NBEA: variants seen among roughly 807,000 people sequenced by gnomAD.
The protein encoded by NBEA is neurobeachin, also known as lysosomal-trafficking regulator 2.
NBEA carries 44 observed loss-of-function variants against 343.4 expected under a neutral mutation model. The ratio of observed to expected loss-of-function variants is 0.13; its 90% CI spans 0.10 to 0.16. The LOEUF is 0.16. Ranked by LOEUF, NBEA falls within the 10% of genes least tolerant of loss-of-function variation. The pLI is 1.00. For synonymous variants in NBEA, 1,175 were observed against 1,238.7 expected (o/e 0.95, Z 1.08); for missense variants, 2,555 against 3,631.3 (o/e 0.70, Z 7.62).
intron 23 of NBEA, among the ~76,000 whole-genome samples, chr13:35,162,517 G>A (rs1693753299): frequency 6.6e-6 from 1 of 152,032 alleles, no homozygotes; most frequent in African/African-American, 2.4e-5. Context: ...CAAATTAAAA[G>A]GCAGAGATGA....
At chr13:35,480,569 G>A (rs2076083507) in intron 41 of NBEA, among the ~76,000 whole-genome samples, 1 of 151,724 alleles carries the variant, frequency 6.6e-6, no homozygotes, top group South Asian at 2.1e-4. Flanking sequence ...TGCTTATTAC[G>A]CTGGGGAGAT....
intron 36 of NBEA, among the ~76,000 whole-genome samples, chr13:35,311,000 A>G (rs993271647): frequency 6.6e-6 from 1 of 152,062 alleles, no homozygotes; most frequent in South Asian, 2.1e-4. Flanking sequence ...TATATTTCTC[A>G]TTTTGATATT....
chr13:35,072,417 G>T (rs1265147592), intron 10 of NBEA, among the ~76,000 whole-genome samples: 1 of 151,738 alleles, frequency 6.6e-6, no homozygotes, highest in Non-Finnish European at 1.5e-5. Flanking sequence ...TTATTTCATC[G>T]TGGAGATAAA....
chr13:35,125,039 T>C (rs2067043832), intron 17 of NBEA, among the ~76,000 whole-genome samples: 1 of 152,108 alleles, frequency 6.6e-6, no homozygotes. Context: ...TACGAAAAGA[T>C]GAAAACTCAG....
Position 35,442,465 on chromosome 13 carries a change from G to A in NBEA, c.6305-9627G>A, listed in dbSNP as rs150668457. On this transcript the variant is annotated intron_variant, in intron 39 of 58. Transcript: ENST00000379939. Reference sequence around the variant, plus strand: ...CGTCTAAAATGTGGAGAGAGTCTGCGTTTACCGTCACGTATATTCTTAAAA... The same window carrying A: ...CGTCTAAAATGTGGAGAGAGTCTGCATTTACCGTCACGTATATTCTTAAAA... Among the ~76,000 whole-genome samples, 631 of 152,042 alleles carry A rather than the reference G, an allele frequency of 4.2e-3. 5 individuals are homozygous for A. Among genetic ancestry groups the A allele is most frequent in the African/African-American group, 0.015 (602 of 41,478 alleles).
At chr13:34,973,625 C>T (rs549044708) in intron 1 of NBEA, among the ~76,000 whole-genome samples, 1 of 152,214 alleles carries the variant, frequency 6.6e-6, no homozygotes, top group East Asian at 1.9e-4. Context: ...TTGGACTCTC[C>T]AGGGCCTGCA....
At chr13:35,226,478 T>C (rs73167795) in intron 33 of NBEA, among the ~76,000 whole-genome samples, 2,126 of 152,210 alleles carry the variant, frequency 0.014, 31 homozygotes, top group South Asian at 0.04. Flanking sequence ...ATATACGAAA[T>C]ATTGTATTTA....
At chr13:35,554,897 G>T in intron 43 of NBEA, 90 bp from the exon 44 acceptor site, 1 of 525,908 alleles carries the variant, frequency 1.9e-6, no homozygotes, top group Non-Finnish European at 3.3e-6. Context: ...ATTTTAAGTT[G>T]ATTATCAAAG....
chr13:35,172,256 TTTTG>T (rs999364057), intron 26 of NBEA, among the ~76,000 whole-genome samples: 3 of 150,972 alleles, frequency 2.0e-5, no homozygotes, highest in African/African-American at 7.4e-5. Flanking sequence ...TGAAACCTTT[TTTTG>T]TTTGTTTGTT....
chr13:35,246,013 G>C (rs1373764736), intron 34 of NBEA, among the ~76,000 whole-genome samples: 1 of 151,914 alleles, frequency 6.6e-6, no homozygotes, highest in African/African-American at 2.4e-5. Flanking sequence ...TTGCTGGTTT[G>C]GGTTATTTCA....
chr13:35,350,814 T>C (rs1055361971), intron 37 of NBEA, among the ~76,000 whole-genome samples: 3 of 151,352 alleles, frequency 2.0e-5, no homozygotes, highest in African/African-American at 7.3e-5. Context: ...TAAAAGATTT[T>C]ACAAGTCATG....
intron 17 of NBEA, among the ~76,000 whole-genome samples, chr13:35,138,725 G>T (rs1422948023): frequency 6.6e-6 from 1 of 152,002 alleles, no homozygotes; most frequent in African/African-American, 2.4e-5. Flanking sequence ...CTCCCAAAGT[G>T]CTAGAATTAC....
At chr13:35,458,704 A>G (rs2046721179) in intron 40 of NBEA, among the ~76,000 whole-genome samples, 1 of 152,190 alleles carries the variant, frequency 6.6e-6, no homozygotes. Flanking sequence ...CCAGGATAGG[A>G]ACAGCTAAAG....
chr13:35,301,088 C>A (rs1354379931), intron 35 of NBEA, among the ~76,000 whole-genome samples: 2 of 151,802 alleles, frequency 1.3e-5, no homozygotes, highest in Non-Finnish European at 2.9e-5. Context: ...TTTTATAGTC[C>A]CTTTTCTGTC....
At chr13:35,108,607 A>C (rs2066034877) in intron 11 of NBEA, among the ~76,000 whole-genome samples, 1 of 152,092 alleles carries the variant, frequency 6.6e-6, no homozygotes, top group African/African-American at 2.4e-5. Flanking sequence ...CATACTTATG[A>C]CACATCTCAC....
intron 38 of NBEA, among the ~76,000 whole-genome samples, chr13:35,362,513 T>C (rs1457418393): frequency 1.3e-5 from 2 of 151,988 alleles, no homozygotes; most frequent in South Asian, 2.1e-4. Flanking sequence ...CAATGAATTA[T>C]AGTTGTTACA....
At chr13:35,341,353 A>G (rs947954367) in intron 36 of NBEA, among the ~76,000 whole-genome samples, 3 of 152,116 alleles carry the variant, frequency 2.0e-5, no homozygotes, top group Admixed American at 6.6e-5. Flanking sequence ...TGGTTTTCAT[A>G]GATATGACAC....
intron 41 of NBEA, among the ~76,000 whole-genome samples, chr13:35,545,369 T>C (rs2079017874): frequency 6.6e-6 from 1 of 152,198 alleles, no homozygotes; most frequent in African/African-American, 2.4e-5. Context: ...CCTAGCGCTG[T>C]GCCTCAAATC....
At chr13:34,995,495 C>G (rs1381342964) in intron 1 of NBEA, among the ~76,000 whole-genome samples, 1 of 151,618 alleles carries the variant, frequency 6.6e-6, no homozygotes, top group African/African-American at 2.4e-5. Flanking sequence ...AACAAACAAA[C>G]AAACCAAAAA....
Sources: allele counts gnomAD v4.1 joint callset (sites outside exome capture counted in the v4.1 genomes callset), GRCh38; gene constraint gnomAD v4.1.1; transcripts MANE v1.5; gene names NCBI Gene and HGNC (gene_info 2026-07-23, HGNC 2026-07-21).